Variants in SIPA1L1 observed in about 807,000 individuals in gnomAD.
SIPA1L1 encodes the protein signal induced proliferation associated 1 like 1.
Under a neutral mutation model 162.7 loss-of-function variants are expected in SIPA1L1, and 26 were observed. The observed-to-expected ratio is 0.16, with a 90% CI of 0.12 to 0.22. SIPA1L1 has a LOEUF of 0.22. SIPA1L1 is among the 10% of genes least tolerant of loss of function. The probability of loss-of-function intolerance (pLI) is 1.00; values close to 1 mark genes in which losing one functional copy is unlikely to be tolerated. For synonymous variants in SIPA1L1, 829 were observed against 837.4 expected (o/e 0.99, Z 0.17); for missense variants, 1,874 against 2,241.0 (o/e 0.84, Z 3.31).
chr14:71,686,223 T>C (rs1179349036), intron 13 of SIPA1L1, among the ~76,000 whole-genome samples: 2 of 152,220 alleles, frequency 1.3e-5, no homozygotes, highest in South Asian at 2.1e-4. Flanking sequence ...TGAGGGGTCC[T>C]AGAAAGTAAG....
chr14:71,727,718 C>T (rs144675757), intron 19 of SIPA1L1, among the ~76,000 whole-genome samples: 3 of 152,332 alleles, frequency 2.0e-5, no homozygotes, highest in Non-Finnish European at 2.9e-5. Flanking sequence ...CACCAGGCAG[C>T]GCTCCTGGGC....
At chr14:71,498,218 A>G (rs952395911) in intron 2 of SIPA1L1, among the ~76,000 whole-genome samples, 1 of 152,210 alleles carries the variant, frequency 6.6e-6, no homozygotes, top group Non-Finnish European at 1.5e-5. Flanking sequence ...TAAAAATACA[A>G]TCTTTTCTTG....
chr14:71,351,116 G>GA (rs1471024033), intron 2 of SIPA1L1, among the ~76,000 whole-genome samples: 3 of 152,216 alleles, frequency 2.0e-5, no homozygotes, highest in African/African-American at 7.2e-5. Context: ...TCAAAGAGGT[G>GA]AAATTGGTTG....
intron 7 of SIPA1L1, among the ~76,000 whole-genome samples, chr14:71,644,600 G>T (rs118162138): frequency 6.6e-6 from 1 of 152,122 alleles, no homozygotes; most frequent in Non-Finnish European, 1.5e-5. Context: ...TGGAAAAATT[G>T]GTTCTCTTAT....
At chr14:71,438,231 ACTTCTTTAATCATCAC>A (rs1421899364) in intron 2 of SIPA1L1, among the ~76,000 whole-genome samples, 2 of 151,970 alleles carry the variant, frequency 1.3e-5, no homozygotes, top group African/African-American at 4.8e-5. Flanking sequence ...TTTCTCTCAA[ACTTCTTTAATCATCAC>A]CCACATTTCA....
chr14:71,366,408 G>A (rs1287060201), intron 2 of SIPA1L1, among the ~76,000 whole-genome samples: 3 of 151,978 alleles, frequency 2.0e-5, no homozygotes. Flanking sequence ...TTAGAGTTGG[G>A]ACCATGTTTC....
intron 2 of SIPA1L1, among the ~76,000 whole-genome samples, chr14:71,347,282 G>T (rs1381151605): frequency 6.6e-6 from 1 of 152,078 alleles, no homozygotes; most frequent in East Asian, 1.9e-4. Context: ...TTTTGTGACT[G>T]GCTTCTAATA....
At chr14:71,544,072 C>G (rs1420375928) in intron 4 of SIPA1L1, among the ~76,000 whole-genome samples, 1 of 146,752 alleles carries the variant, frequency 6.8e-6, no homozygotes, top group Non-Finnish European at 1.5e-5. Context: ...TATACACACG[C>G]ACGCACATGT....
At chr14:71,729,736 A>T (rs527934401) in intron 19 of SIPA1L1, among the ~76,000 whole-genome samples, 1 of 152,346 alleles carries the variant, frequency 6.6e-6, no homozygotes, top group South Asian at 2.1e-4. Context: ...GAGACACAGG[A>T]TTCAAATAAA....
chr14:71,520,821 C>T (rs776000506), intron 3 of SIPA1L1, among the ~76,000 whole-genome samples: 1 of 152,128 alleles, frequency 6.6e-6, no homozygotes, highest in Non-Finnish European at 1.5e-5. Flanking sequence ...GATGTGATCT[C>T]AGCTCACTGC....
intron 2 of SIPA1L1, among the ~76,000 whole-genome samples, chr14:71,408,223 ATAG>A (rs2042163799): frequency 6.6e-6 from 1 of 152,164 alleles, no homozygotes; most frequent in African/African-American, 2.4e-5. Context: ...ACATCCTCAG[ATAG>A]TAGAGTGGTA....
chr14:71,361,202 T>TTAGTATACTCCAAA, intron 2 of SIPA1L1, among the ~76,000 whole-genome samples: 1 of 152,278 alleles, frequency 6.6e-6, no homozygotes. Context: ...TAACTCAATT[T>TTAGTATACTCCAAA]TAGTATACTC....
intron 4 of SIPA1L1, among the ~76,000 whole-genome samples, chr14:71,536,924 T>A (rs1190833090): frequency 6.6e-6 from 1 of 152,240 alleles, no homozygotes; most frequent in Non-Finnish European, 1.5e-5. Context: ...TATTAATAAG[T>A]AGCAGTTGTT....
intron 17 of SIPA1L1, among the ~76,000 whole-genome samples, chr14:71,710,413 G>A (rs377546838): frequency 1.3e-5 from 2 of 152,224 alleles, no homozygotes; most frequent in African/African-American, 4.8e-5. Context: ...TGATCTCTGT[G>A]TGGTTTCTCC....
intron 12 of SIPA1L1, among the ~76,000 whole-genome samples, chr14:71,678,389 T>G (rs1386399004): frequency 6.6e-6 from 1 of 152,200 alleles, no homozygotes; most frequent in Non-Finnish European, 1.5e-5. Context: ...TCTGCATCTA[T>G]TGAGATAATC....
chr14:71,527,378 T>A (rs1247016149), intron 3 of SIPA1L1, among the ~76,000 whole-genome samples: 1 of 152,036 alleles, frequency 6.6e-6, no homozygotes, highest in South Asian at 2.1e-4. Context: ...TTTTATTTTT[T>A]AATTTTTTTG....
chr14:71,728,083 G>A lies in SIPA1L1; in HGVS notation c.4615-1972G>A, dbSNP rs559344671. The stretch of plus-strand genomic sequence containing the variant: ...ACACCTGTAAAACCATCAGGCTGGG[G>A]ATACTGGAAAAGGAAATCCCTTTAC... On this transcript the variant is annotated intron_variant, in intron 19 of 23. Coordinates refer to ENST00000381232, the MANE Select transcript of SIPA1L1 (RefSeq NM_001386936.1). Among the ~76,000 whole-genome samples, 12 of 152,310 alleles carry A rather than the reference G, an allele frequency of 7.9e-5. No homozygotes were observed. The South Asian group carries it at 2.3e-3, about 29-fold the overall frequency.
Position 71,607,814 on chromosome 14 carries a change from G to A in SIPA1L1, c.1499-10943G>A, listed in dbSNP as rs1346210311. On this transcript the variant is annotated intron_variant, in intron 5 of 23. Transcript: ENST00000381232. ...TGCCCCAACACCATCCACATAAAAA[G>A]ATCAAAGTAACTACCTTGCTTGCTG... Among the ~76,000 whole-genome samples, 7 of 152,160 alleles carry A rather than the reference G, an allele frequency of 4.6e-5. No homozygotes were observed. In the East Asian group the frequency reaches 1.3e-3, roughly 29 times the overall value.
chr14:71,480,968 T>A (rs1248333798), intron 2 of SIPA1L1, among the ~76,000 whole-genome samples: 1 of 152,194 alleles, frequency 6.6e-6, no homozygotes, highest in Admixed American at 6.5e-5. Flanking sequence ...CATATGTAAA[T>A]TTACATTTAG....
Sources: allele counts gnomAD v4.1 joint callset (sites outside exome capture counted in the v4.1 genomes callset), GRCh38; gene constraint gnomAD v4.1.1; transcripts MANE v1.5; gene names NCBI Gene and HGNC (gene_info 2026-07-23, HGNC 2026-07-21).